Variants in BRCA1 observed in about 807,000 individuals in gnomAD.
BRCA1 encodes the protein BRCA1 DNA repair associated, also known as breast cancer type 1 susceptibility protein.
In BRCA1, 140 loss-of-function variants were observed where a neutral mutation model predicts 173.7. That is an observed-to-expected ratio of 0.81 (90% CI 0.70 to 0.93). BRCA1 has a LOEUF of 0.93. BRCA1 is among the 40% of genes least tolerant of loss of function. The probability of loss-of-function intolerance (pLI) is 0.00; values close to 1 mark genes in which losing one functional copy is unlikely to be tolerated. For missense variants in BRCA1, 1,983 were observed against 2,172.5 expected (o/e 0.91, Z 1.73); for synonymous variants, 662 against 756.0 (o/e 0.88, Z 2.04).
At chr17:43,145,483 C>T (rs1031073384) in intron 1 of BRCA1, among the ~76,000 whole-genome samples, 9 of 151,964 alleles carry the variant, frequency 5.9e-5, no homozygotes, top group Non-Finnish European at 8.8e-5. Flanking sequence ...CCCACCATCA[C>T]GCCCGGCTAA....
intron 6 of BRCA1, among the ~76,000 whole-genome samples, chr17:43,102,227 C>T (rs2054509714): frequency 6.6e-6 from 1 of 151,886 alleles, no homozygotes; most frequent in Admixed American, 6.6e-5. Context: ...TCCGCCATCA[C>T]GCTCAGCTAA....
At chr17:43,080,834 G>C (rs1221199470) in intron 12 of BRCA1, among the ~76,000 whole-genome samples, 4 of 151,744 alleles carry the variant, frequency 2.6e-5, no homozygotes, top group Non-Finnish European at 4.4e-5. Context: ...GGGGAGGATG[G>C]CTCAAGATCA....
intron 13 of BRCA1, 47 bp downstream of exon 13, chr17:43,076,437 TATAA>T (rs1567779394): frequency 6.2e-7 from 1 of 1,604,534 alleles, no homozygotes; most frequent in Admixed American, 1.7e-5. Flanking sequence ...CAGAGTTCAA[TATAA>T]ATAAAGATGT....
Position 43,097,406 on chromosome 17 carries a change from T to C in BRCA1, c.548-117A>G, listed in dbSNP as rs1046895303. On this transcript the variant is annotated intron_variant, in intron 7 of 22. Coordinates refer to ENST00000357654, the MANE Select transcript of BRCA1 (RefSeq NM_007294.4). ...CTAGAAATATTTACTGAGCATCTAC[T>C]GTGGCAGGTACAATGCTAGTTAAGC... is the stretch of plus-strand genomic sequence containing the variant. 4 of 909,020 alleles carry C rather than the reference T, an allele frequency of 4.4e-6. No homozygotes were observed. The African/African-American group carries it at 6.6e-5, about 15-fold the overall frequency. 56.3% of individuals were successfully genotyped at this position (909,020 alleles called of 1,614,324 possible).
At chr17:43,149,129 T>C (rs977585644) in intron 1 of BRCA1, among the ~76,000 whole-genome samples, 2 of 151,444 alleles carry the variant, frequency 1.3e-5, no homozygotes, top group African/African-American at 2.4e-5. Flanking sequence ...GACAGAGTCT[T>C]GCCCTGTCGC....
intron 1 of BRCA1, among the ~76,000 whole-genome samples, chr17:43,135,436 A>G (rs2056010976): frequency 6.6e-6 from 1 of 152,224 alleles, no homozygotes; most frequent in African/African-American, 2.4e-5. Flanking sequence ...ATTAGGCTAT[A>G]GGGCCAGTGG....
At chr17:43,104,342 C>T (rs2154550548) in intron 5 of BRCA1, 81 bp from the exon 6 acceptor site, 1 of 1,419,644 alleles carries the variant, frequency 7.0e-7, no homozygotes, top group East Asian at 2.3e-5. Flanking sequence ...AAGAGAAACC[C>T]TATGTATGCT....
intron 21 of BRCA1, 69 bp downstream of exon 21, chr17:43,049,052 C>G (rs2051064330): frequency 1.4e-6 from 2 of 1,471,970 alleles, no homozygotes; most frequent in African/African-American, 1.4e-5. Flanking sequence ...TAGGGACTGA[C>G]AGGTGCCAGT....
chr17:43,120,091 A>G (rs1244227672), intron 2 of BRCA1, among the ~76,000 whole-genome samples: 1 of 152,242 alleles, frequency 6.6e-6, no homozygotes, highest in East Asian at 1.9e-4. Flanking sequence ...TCCAATACGG[A>G]TAAGTGACTG....
intron 18 of BRCA1, among the ~76,000 whole-genome samples, chr17:43,059,026 C>T (rs1337071905): frequency 6.6e-6 from 1 of 152,116 alleles, no homozygotes. Context: ...TCTGACATTT[C>T]CTAGTTACTT....
At chr17:43,127,524 G>A (rs1254178932), upstream of BRCA1, among the ~76,000 whole-genome samples, 1 of 152,048 alleles carries the variant, frequency 6.6e-6, no homozygotes. Context: ...GCACCAATCA[G>A]TGCTCTGTGT....
rs1555591622 is a variant in BRCA1 at position 43,094,009 on chromosome 17, G to C, written c.1522C>G (p.Pro508Ala). 1 of 1,613,864 alleles carries C rather than the reference G, an allele frequency of 6.2e-7. No individual in the cohort carries two copies. The highest frequency in any genetic ancestry group is 8.5e-7 in the Non-Finnish European group (1 of 1,179,964). ...LTNKLKRKRR[P>A]TSGLHPEDFI... The stretch of plus-strand genomic sequence containing the variant: ...TCCTCAGGATGAAGGCCTGATGTAG[G>C]TCTCCTTTTACGCTTTAATTTATTT... The change falls in exon 10 of 23, where the codon CCT becomes GCT. Residue 508 changes from proline to alanine, a missense_variant. Coordinates refer to ENST00000357654, the MANE Select transcript of BRCA1 (RefSeq NM_007294.4).
At chr17:43,047,766 T>C in intron 21 of BRCA1, 63 bp from the exon 22 acceptor site, 1 of 1,573,704 alleles carries the variant, frequency 6.4e-7, no homozygotes, top group Non-Finnish European at 8.7e-7. Context: ...AACTGTCACT[T>C]CATCATTTTT....
chr17:43,065,074 C>T (rs2052004110), intron 16 of BRCA1, among the ~76,000 whole-genome samples: 1 of 151,936 alleles, frequency 6.6e-6, no homozygotes, highest in Non-Finnish European at 1.5e-5. Context: ...TCGTGATCTG[C>T]CCGCCTTGGC....
intron 1 of BRCA1, among the ~76,000 whole-genome samples, chr17:43,143,570 T>C (rs1294815029): frequency 6.6e-6 from 1 of 152,246 alleles, no homozygotes; most frequent in African/African-American, 2.4e-5. Context: ...TTACCAATTC[T>C]TGTTCATTCA....
intron 8 of BRCA1, among the ~76,000 whole-genome samples, chr17:43,096,222 C>T (rs753931082): frequency 6.0e-5 from 9 of 151,254 alleles, no homozygotes; most frequent in Non-Finnish European, 1.2e-4. Flanking sequence ...ACTAAAAATA[C>T]AAAAATTAGC....
At position 43,092,690 on chromosome 17, in the gene BRCA1, T is replaced by A. The variant is rs864622618; in HGVS notation, c.2841A>T (p.Lys947Asn). 3 of 1,614,184 alleles carry A rather than the reference T, an allele frequency of 1.9e-6. No homozygotes were observed. Among genetic ancestry groups the A allele is most frequent in the Non-Finnish European group, 2.5e-6 (3 of 1,180,016 alleles). ...ATGATAGACAAAACCTAGAGCCTCC[T>A]TTGATACTACATTTGGCATTATCAA... is the stretch of plus-strand genomic sequence containing the variant. ...KPVDNAKCSI[K>N]GGSRFCLSSQ... Residue 947 changes from lysine to asparagine, a missense_variant, in exon 10 of 23, where the codon AAA becomes AAT. Lys to Asn is a moderately conservative substitution (Grantham distance 94). Coordinates refer to ENST00000357654, the MANE Select transcript of BRCA1 (RefSeq NM_007294.4).
rs750645074 is a variant in BRCA1 at position 43,093,039 on chromosome 17, T to C, written c.2492A>G (p.Tyr831Cys). 2 of 1,613,958 alleles carry C rather than the reference T, an allele frequency of 1.2e-6. No individual in the cohort carries two copies. Among genetic ancestry groups the C allele is most frequent in the Non-Finnish European group, 1.7e-6 (2 of 1,179,990 alleles). ...GTGGTTAACTTCATGTCCCAATGGA[T>C]ACTTAAAGCCTTCTGTGTCATTTCT... ...DNRNDTEGFK[Y>C]PLGHEVNHSR... The change falls in exon 10 of 23, where the codon TAT (tyrosine) becomes TGT (cysteine). Residue 831 changes from tyrosine to cysteine, a missense_variant. Transcript: ENST00000357654.
At chr17:43,051,027 T>C in intron 20 of BRCA1, 36 bp downstream of exon 20, 2 of 1,595,060 alleles carry the variant, frequency 1.3e-6, no homozygotes, top group Non-Finnish European at 1.7e-6. Context: ...AGACAAAGGC[T>C]GGTGCTGGAA....
Sources: gnomAD v4.1 joint callset for allele counts (sites outside exome capture counted in the v4.1 genomes callset) on GRCh38, gnomAD v4.1.1 for gene constraint, MANE v1.5 for transcripts, NCBI Gene and HGNC (gene_info 2026-07-23, HGNC 2026-07-21) for gene names.